Variants in PLEKHO2 observed in about 807,000 individuals in gnomAD.
PLEKHO2 encodes the protein pleckstrin homology domain-containing family O member 2.
In PLEKHO2, 20 loss-of-function variants were observed where a neutral mutation model predicts 32.7. That is an observed-to-expected ratio of 0.61 (90% CI 0.43 to 0.89). The LOEUF (loss-of-function observed/expected upper bound fraction) is 0.89. PLEKHO2 is among the 40% of genes least tolerant of loss of function. The pLI is 0.00. For missense variants in PLEKHO2, 568 were observed against 621.2 expected, an observed-to-expected ratio of 0.91 and a Z score of 0.91; for synonymous variants, 247 against 246.3, an observed-to-expected ratio of 1.00 and a Z score of -0.03.
chr15:64,862,839 C>T (rs183979473), intron 5 of PLEKHO2, among the ~76,000 whole-genome samples: 7 of 151,950 alleles, frequency 4.6e-5, no homozygotes, highest in Admixed American at 6.6e-5. Context: ...AGGTTAGTTA[C>T]ATATGTATAC....
At chr15:64,842,058 C>G in intron 1 of PLEKHO2, 30 bp downstream of exon 1, 2 of 1,235,438 alleles carry the variant, frequency 1.6e-6, no homozygotes, top group Non-Finnish European at 2.0e-6. Flanking sequence ...GGGCGTTGGG[C>G]TGGGGTCCTC....
chr15:64,859,600 G>A (rs576565052), intron 3 of PLEKHO2, among the ~76,000 whole-genome samples: 59 of 152,340 alleles, frequency 3.9e-4, no homozygotes, highest in African/African-American at 1.3e-3. Flanking sequence ...CAGAGTAAAC[G>A]GAAGCCCAGA....
Position 64,859,896 on chromosome 15 carries a change from C to G in PLEKHO2, c.282C>G (p.Val94=), listed in dbSNP as rs141429505. The G allele has an allele frequency of 3.1e-5, 50 of 1,613,810 alleles. No homozygotes were observed. The highest frequency in any genetic ancestry group is 2.5e-6 in the Non-Finnish European group (3 of 1,179,800). ...TACTCCATCCATCTTGCCCACAGGTCAGCGACATCAAATTCCAGGCACCCA... is the reference window on the plus strand; with the variant it reads ...TACTCCATCCATCTTGCCCACAGGTGAGCGACATCAAATTCCAGGCACCCA... ...FILLRSPGNK[V]SDIKFQAPTG... is the part of the protein sequence containing the mutation. The change falls in exon 4 of 6, where the codon GTC becomes GTG. Residue 94 remains valine (V), a splice_region_variant and synonymous_variant. Coordinates refer to ENST00000323544, the MANE Select transcript of PLEKHO2 (RefSeq NM_025201.5).
At chr15:64,847,379 A>C (rs906350983) in intron 1 of PLEKHO2, among the ~76,000 whole-genome samples, 7 of 151,870 alleles carry the variant, frequency 4.6e-5, no homozygotes, top group Non-Finnish European at 4.4e-5. Context: ...GTCCATGCTA[A>C]TTTCCTTCTA....
intron 5 of PLEKHO2, among the ~76,000 whole-genome samples, chr15:64,863,844 A>G (rs1029130978): frequency 4.0e-5 from 6 of 151,332 alleles, no homozygotes; most frequent in Non-Finnish European, 8.8e-5. Context: ...CCAGGGTTCA[A>G]GCAATTCTCC....
intron 1 of PLEKHO2, among the ~76,000 whole-genome samples, chr15:64,842,525 G>C (rs762986515): frequency 6.6e-6 from 1 of 151,836 alleles, no homozygotes; most frequent in Non-Finnish European, 1.5e-5. Flanking sequence ...GTGTTGGGGG[G>C]TTCCTGTCTC....
intron 2 of PLEKHO2, among the ~76,000 whole-genome samples, chr15:64,852,161 T>G (rs780174192): frequency 1.3e-5 from 2 of 152,158 alleles, no homozygotes; most frequent in Non-Finnish European, 2.9e-5. Flanking sequence ...GTCTGCATCT[T>G]GCAGGTGTTT....
Position 64,860,004 on chromosome 15 carries a change from A to G in PLEKHO2, c.384+6A>G, listed in dbSNP as rs1156734449. The G allele has an allele frequency of 1.9e-6, 3 of 1,612,848 alleles. No homozygotes were observed. Among genetic ancestry groups the G allele is most frequent in the Middle Eastern group, 1.7e-4 (1 of 6,050 alleles). The stretch of plus-strand genomic sequence containing the variant: ...AAAACAAGGCTTTCGATGAGGTGCG[A>G]TGCAGTCTGTGGACATGGACAGCTC... On this transcript the variant is annotated splice_donor_region_variant and intron_variant, in intron 4 of 5. Transcript: ENST00000323544.
intron 2 of PLEKHO2, among the ~76,000 whole-genome samples, chr15:64,853,227 G>A (rs1398354417): frequency 6.6e-6 from 1 of 151,540 alleles, no homozygotes; most frequent in Non-Finnish European, 1.5e-5. Context: ...CCTCTTAGGT[G>A]TAATGATTGA....
chr15:64,852,553 C>T (rs1379479406), intron 2 of PLEKHO2, among the ~76,000 whole-genome samples: 1 of 151,992 alleles, frequency 6.6e-6, no homozygotes, highest in African/African-American at 2.4e-5. Flanking sequence ...TCTGGGATGT[C>T]GCCTGGGCAT....
chr15:64,853,321 G>C (rs1305430304), intron 2 of PLEKHO2, among the ~76,000 whole-genome samples: 4 of 145,102 alleles, frequency 2.8e-5, no homozygotes, highest in Admixed American at 6.9e-5. Context: ...CTGTTGCCCA[G>C]GCTGGAGTGC....
At chr15:64,853,217 C>T (rs1285041531) in intron 2 of PLEKHO2, among the ~76,000 whole-genome samples, 1 of 151,902 alleles carries the variant, frequency 6.6e-6, no homozygotes, top group Admixed American at 6.6e-5. Context: ...CCAGGCCCAC[C>T]CTCTTAGGTG....
At chr15:64,852,265 C>A (rs1294589842) in intron 2 of PLEKHO2, among the ~76,000 whole-genome samples, 3 of 152,042 alleles carry the variant, frequency 2.0e-5, no homozygotes. Flanking sequence ...TTTCTCAGAG[C>A]AAGAGGATTT....
chr15:64,843,274 C>G, intron 1 of PLEKHO2, among the ~76,000 whole-genome samples: 1 of 152,256 alleles, frequency 6.6e-6, no homozygotes, highest in African/African-American at 2.4e-5. Context: ...TCCTCATACT[C>G]CTGGCCTGAC....
chr15:64,856,084 G>C (rs2084604694), intron 3 of PLEKHO2, among the ~76,000 whole-genome samples: 1 of 152,068 alleles, frequency 6.6e-6, no homozygotes, highest in Non-Finnish European at 1.5e-5. Context: ...GTAGCGGCTG[G>C]TATAATTATA....
chr15:64,863,002 A>G (rs1169708307), intron 5 of PLEKHO2, among the ~76,000 whole-genome samples: 1 of 145,956 alleles, frequency 6.9e-6, no homozygotes, highest in African/African-American at 2.6e-5. Flanking sequence ...TGCAGGGTGC[A>G]ATCTCAGCTC....
intron 5 of PLEKHO2, among the ~76,000 whole-genome samples, chr15:64,864,311 G>C (rs2084666407): frequency 6.6e-6 from 1 of 152,158 alleles, no homozygotes; most frequent in African/African-American, 2.4e-5. Context: ...GAGGAGAGTG[G>C]GCACAGGCTG....
Position 64,846,329 on chromosome 15 carries a change from C to T in PLEKHO2, c.13-2264C>T, listed in dbSNP as rs575949736. 8.9e-5 allele frequency among the ~76,000 whole-genome samples: 13 copies of T among 146,748 alleles called. No homozygotes were observed. In the South Asian group the frequency reaches 1.3e-3, roughly 15 times the overall value. On this transcript the variant is annotated intron_variant, in intron 1 of 5. Transcript: ENST00000323544. ...ATCTGGGAAGACCTTTTTTTTTTTT[C>T]GGAGACAGGGCCTCATCCTGTTAAC...
chr15:64,867,098 T>C lies in PLEKHO2; in HGVS notation c.*1210T>C, dbSNP rs561848010. On this transcript the variant is annotated 3_prime_UTR_variant, in exon 6 of 6. Transcript: ENST00000323544. ...GCAGCTGGACTGAGGGCAGAGCCTG[T>C]AGGTGCAGAGGCCCTGGCTCCCGAG... is the stretch of plus-strand genomic sequence containing the variant. 2 of 152,674 alleles carry C rather than the reference T, an allele frequency of 1.3e-5. No individual in the cohort carries two copies. Among genetic ancestry groups the C allele is most frequent in the Non-Finnish European group, 2.9e-5 (2 of 68,152 alleles). The allele number at this position is 152,674 out of a possible 1,614,324, so 9.5% of individuals were successfully genotyped here.
Sources: allele counts gnomAD v4.1 joint callset (sites outside exome capture counted in the v4.1 genomes callset), GRCh38; gene constraint gnomAD v4.1.1; transcripts MANE v1.5; gene names NCBI Gene and HGNC (gene_info 2026-07-23, HGNC 2026-07-21).